Variants in LRRC4C observed in about 807,000 individuals in gnomAD.
The protein encoded by LRRC4C is leucine-rich repeat-containing protein 4C.
A neutral mutation model predicts 33.6 loss-of-function variants in LRRC4C; 5 were observed. The observed-to-expected ratio is 0.15, with a 90% CI of 0.08 to 0.31. The LOEUF is 0.31. Among genes scored for constraint, LRRC4C ranks in the 10% least tolerant of loss-of-function variants. The pLI is 1.00. For synonymous variants in LRRC4C, 329 were observed against 302.0 expected, an observed-to-expected ratio of 1.09 and a Z score of -0.93; for missense variants, 560 against 796.7, an observed-to-expected ratio of 0.70 and a Z score of 3.58.
chr11:40,122,671 A>G (rs925682962), intron 6 of LRRC4C, among the ~76,000 whole-genome samples: 1 of 152,044 alleles, frequency 6.6e-6, no homozygotes, highest in East Asian at 1.9e-4. Flanking sequence ...GGTTATATTG[A>G]TGATATTTCA....
chr11:40,938,996 A>T (rs1958024643), intron 1 of LRRC4C, among the ~76,000 whole-genome samples: 1 of 152,126 alleles, frequency 6.6e-6, no homozygotes, highest in South Asian at 2.1e-4. Flanking sequence ...ATAGTATTAT[A>T]TAATTATAAA....
At chr11:40,831,952 C>T (rs1301858401) in intron 2 of LRRC4C, among the ~76,000 whole-genome samples, 1 of 152,018 alleles carries the variant, frequency 6.6e-6, no homozygotes. Context: ...AAAATAGAAA[C>T]ATTTAGATTT....
chr11:40,796,937 C>T (rs913895933), intron 2 of LRRC4C, among the ~76,000 whole-genome samples: 27 of 152,072 alleles, frequency 1.8e-4, no homozygotes, highest in Admixed American at 3.3e-4. Flanking sequence ...TGAGCCACCA[C>T]GCCTAAGCCA....
intron 3 of LRRC4C, among the ~76,000 whole-genome samples, chr11:40,431,304 G>A (rs1278607174): frequency 1.3e-5 from 2 of 148,364 alleles, no homozygotes; most frequent in Admixed American, 1.4e-4. Context: ...GTGCGTGCCT[G>A]TAATCCCAGC....
Position 40,881,447 on chromosome 11 carries a change from G to A in LRRC4C, c.-407+52188C>T, listed in dbSNP as rs144137840. 2.3e-3 allele frequency among the ~76,000 whole-genome samples: 343 copies of A among 152,126 alleles called. 5 individuals carry two copies. Among genetic ancestry groups the A allele is most frequent in the Admixed American group, 0.019 (292 of 15,262 alleles). On this transcript the variant is annotated intron_variant, in intron 2 of 6. Transcript: ENST00000528697. ...GATATATTGGGTTTGTGTGTTTTGC[G>A]TCAAAGCAATAAAAACAAATCAGAT...
intron 1 of LRRC4C, among the ~76,000 whole-genome samples, chr11:41,173,064 T>C (rs776621254): frequency 1.3e-5 from 2 of 152,148 alleles, no homozygotes; most frequent in Non-Finnish European, 2.9e-5. Context: ...AGGTCTGAAA[T>C]ACAGGTGGTT....
At chr11:41,256,880 A>G (rs1948818020) in intron 1 of LRRC4C, among the ~76,000 whole-genome samples, 1 of 152,060 alleles carries the variant, frequency 6.6e-6, no homozygotes, top group South Asian at 2.1e-4. Flanking sequence ...GTGGAACAGT[A>G]CACATTATAT....
intron 5 of LRRC4C, among the ~76,000 whole-genome samples, chr11:40,181,403 G>C (rs1565099042): frequency 1.3e-5 from 2 of 152,170 alleles, no homozygotes; most frequent in Admixed American, 6.5e-5. Flanking sequence ...TTCACTCAAA[G>C]ATAAGGCATA....
At chr11:40,204,321 C>G (rs889405185) in intron 5 of LRRC4C, among the ~76,000 whole-genome samples, 1 of 152,128 alleles carries the variant, frequency 6.6e-6, no homozygotes, top group African/African-American at 2.4e-5. Context: ...GACCCAGCAG[C>G]CTTATCCTTT....
At chr11:41,415,456 C>G (rs1476265387) in intron 1 of LRRC4C, among the ~76,000 whole-genome samples, 1 of 152,050 alleles carries the variant, frequency 6.6e-6, no homozygotes, top group Non-Finnish European at 1.5e-5. Flanking sequence ...AAATTTAAGT[C>G]CTTGTTCAAG....
At chr11:41,318,918 T>G (rs981168379) in intron 1 of LRRC4C, among the ~76,000 whole-genome samples, 1 of 152,254 alleles carries the variant, frequency 6.6e-6, no homozygotes, top group Non-Finnish European at 1.5e-5. Flanking sequence ...ACTACCTTAA[T>G]TCGCTTACAA....
intron 1 of LRRC4C, among the ~76,000 whole-genome samples, chr11:41,072,281 T>TCAC (rs771392938): frequency 7.3e-6 from 1 of 137,328 alleles, no homozygotes. Flanking sequence ...GTGGCAAACA[T>TCAC]TGAAGACCCT....
chr11:41,295,955 A>G (rs548747473), intron 1 of LRRC4C, among the ~76,000 whole-genome samples: 2 of 152,348 alleles, frequency 1.3e-5, no homozygotes, highest in Admixed American at 6.5e-5. Context: ...TGTATCTCCC[A>G]GAACTTACTC....
intron 3 of LRRC4C, among the ~76,000 whole-genome samples, chr11:40,488,812 A>G (rs1954003389): frequency 6.6e-6 from 1 of 152,034 alleles, no homozygotes; most frequent in Non-Finnish European, 1.5e-5. Context: ...CTTTCTACCT[A>G]TCAGCTCATC....
intron 1 of LRRC4C, among the ~76,000 whole-genome samples, chr11:41,065,516 G>T (rs1938164361): frequency 6.6e-6 from 1 of 152,142 alleles, no homozygotes; most frequent in Non-Finnish European, 1.5e-5. Flanking sequence ...TGAAGAGAGT[G>T]GCTGATCCTG....
At chr11:40,628,732 C>T (rs1963199512) in intron 3 of LRRC4C, among the ~76,000 whole-genome samples, 1 of 152,146 alleles carries the variant, frequency 6.6e-6, no homozygotes, top group Admixed American at 6.5e-5. Context: ...GAAGTGTTTG[C>T]AATGTCAATG....
chr11:40,404,057 A>C (rs1949866620), intron 3 of LRRC4C, among the ~76,000 whole-genome samples: 1 of 152,206 alleles, frequency 6.6e-6, no homozygotes, highest in Admixed American at 6.5e-5. Flanking sequence ...AGATCAAAGT[A>C]AGCATGACAT....
chr11:40,456,784 G>A (rs1952151303), intron 3 of LRRC4C, among the ~76,000 whole-genome samples: 1 of 151,068 alleles, frequency 6.6e-6, no homozygotes, highest in Non-Finnish European at 1.5e-5. Flanking sequence ...GCTAGGAAGA[G>A]GACAGTTTGT....
chr11:41,049,041 G>C (rs1406449973), intron 1 of LRRC4C, among the ~76,000 whole-genome samples: 1 of 152,192 alleles, frequency 6.6e-6, no homozygotes, highest in Non-Finnish European at 1.5e-5. Context: ...ATTGTCAGAA[G>C]TAAAAGTTTG....
Sources: gnomAD v4.1 joint callset for allele counts (sites outside exome capture counted in the v4.1 genomes callset) on GRCh38, gnomAD v4.1.1 for gene constraint, MANE v1.5 for transcripts, NCBI Gene and HGNC (gene_info 2026-07-23, HGNC 2026-07-21) for gene names.